Variants in NDRG4 observed in about 807,000 individuals in gnomAD.
NDRG4 encodes the protein protein NDRG4.
A neutral mutation model predicts 55.8 loss-of-function variants in NDRG4; 38 were observed. The observed-to-expected ratio is 0.68, with a 90% CI of 0.53 to 0.89. The LOEUF is 0.89. Ranked by LOEUF, NDRG4 falls within the 40% of genes least tolerant of loss-of-function variation. The pLI is 0.00. For synonymous variants in NDRG4, 190 were observed against 182.7 expected (o/e 1.04, Z -0.32); for missense variants, 455 against 468.6 (o/e 0.97, Z 0.27).
chr16:58,506,278 C>T (rs552963645), intron 5 of NDRG4, 109 bp from the exon 6 acceptor site: 11 of 1,062,058 alleles, frequency 1.0e-5, no homozygotes, highest in Admixed American at 5.1e-5. Flanking sequence ...TGCACAGACC[C>T]GGCTGTAGCC....
chr16:58,468,265 G>A (rs2032096544), intron 1 of NDRG4, among the ~76,000 whole-genome samples: 1 of 152,212 alleles, frequency 6.6e-6, no homozygotes, highest in Non-Finnish European at 1.5e-5. Context: ...CCATTTCCAG[G>A]CGCCTCAGCG....
chr16:58,510,722 G>A, intron 14 of NDRG4, 39 bp downstream of exon 14: 8 of 1,527,096 alleles, frequency 5.2e-6, no homozygotes, highest in Non-Finnish European at 7.0e-6. Flanking sequence ...TGGACGCCCA[G>A]CCTCCTCCTC....
intron 1 of NDRG4, among the ~76,000 whole-genome samples, chr16:58,487,065 C>T (rs1002274522): frequency 1.3e-5 from 2 of 152,004 alleles, no homozygotes; most frequent in African/African-American, 4.8e-5. Context: ...CCTTCAGACA[C>T]CAGAGGCCCT....
At position 58,490,695 on chromosome 16, in the gene NDRG4, C is replaced by T. The variant is rs201656013; in HGVS notation, c.72+2845C>T. ...AAAGGCACCTCAAAAGCCCCATTCC[C>T]GCCAGACATGTTGGCTCACGCCTGT... is the stretch of plus-strand genomic sequence containing the variant. On this transcript the variant is annotated intron_variant, in intron 2 of 15. Transcript: ENST00000258187. 1.2e-4 allele frequency among the ~76,000 whole-genome samples: 18 copies of T among 152,254 alleles called. No homozygotes were observed. In the East Asian group the frequency reaches 2.5e-3, roughly 21 times the overall value.
intron 5 of NDRG4, chr16:58,506,134 GTGTGTGTGTGTGTGTGTGTGTGTC>G (rs1243501721): frequency 8.5e-6 from 3 of 354,102 alleles, no homozygotes; most frequent in Non-Finnish European, 1.6e-5. Flanking sequence ...TTGAAAGAGC[GTGTGTGTGTGTGTGTGTGTGTGTC>G]TGTGTGTGTG....
intron 1 of NDRG4, among the ~76,000 whole-genome samples, chr16:58,482,361 C>T (rs907043895): frequency 2.0e-5 from 3 of 152,180 alleles, no homozygotes; most frequent in African/African-American, 4.8e-5. Flanking sequence ...CTTCCTGTCC[C>T]GCAGGCCTGT....
In NDRG4 at chr16:58,507,257, G is replaced by A. The variant is rs1282026555; in HGVS notation, c.620+242G>A. 4.8e-5 allele frequency: 26 copies of A among 545,264 alleles called. 1 individual carries two copies. The highest frequency in any genetic ancestry group is 3.6e-4 in the East Asian group (12 of 33,150). 33.8% of individuals were successfully genotyped at this position (545,264 alleles called of 1,614,324 possible). On this transcript the variant is annotated intron_variant, in intron 8 of 14. Transcript: ENST00000570248. ...TTTCCTCCTCCCCTGGGGGCTTCCC[G>A]CTTGGGAATGTTGGGGGTGTTAGTG...
chr16:58,511,270 C>G, intron 14 of NDRG4, 152 bp from the exon 15 acceptor site: 1 of 871,076 alleles, frequency 1.1e-6, no homozygotes, highest in Non-Finnish European at 1.8e-6. Flanking sequence ...TGCCCCCAGC[C>G]CGACAGCTGT....
At chr16:58,500,341 G>T in intron 1 of NDRG4, 72 bp downstream of exon 1, 1 of 1,513,316 alleles carries the variant, frequency 6.6e-7, no homozygotes, top group Non-Finnish European at 8.8e-7. Flanking sequence ...CCGCAGGGAG[G>T]AAGTGCCCCC....
chr16:58,495,365 T>G, upstream of NDRG4: 1 of 229,154 alleles, frequency 4.4e-6, no homozygotes. Flanking sequence ...GAAAGCGCCC[T>G]TTGTTTTTAT....
chr16:58,514,433 G>C (rs1359324021), downstream of NDRG4, among the ~76,000 whole-genome samples: 5 of 151,920 alleles, frequency 3.3e-5, no homozygotes, highest in African/African-American at 1.2e-4. Flanking sequence ...CAGGAAAAAG[G>C]ATTTGCCTGA....
At chr16:58,490,341 C>G (rs2035634262) in intron 2 of NDRG4, among the ~76,000 whole-genome samples, 1 of 152,020 alleles carries the variant, frequency 6.6e-6, no homozygotes, top group African/African-American at 2.4e-5. Flanking sequence ...ATGGGGAGAA[C>G]TAGGGCATCT....
intron 10 of NDRG4, 149 bp from the exon 11 acceptor site, chr16:58,508,813 C>T (rs2038391978): frequency 2.5e-6 from 2 of 803,380 alleles, no homozygotes; most frequent in African/African-American, 1.7e-5. Flanking sequence ...GAGAAGAAAG[C>T]CTGGGAGGAG....
chr16:58,468,130 T>C (rs1320899341), intron 1 of NDRG4, among the ~76,000 whole-genome samples: 1 of 152,178 alleles, frequency 6.6e-6, no homozygotes, highest in African/African-American at 2.4e-5. Context: ...CCCCCTCACA[T>C]GTGGGACTAG....
At chr16:58,487,863 C>T (rs2035289213) in intron 2 of NDRG4, 6 of 1,526,636 alleles carry the variant, frequency 3.9e-6, no homozygotes, top group Non-Finnish European at 4.4e-6. Context: ...GAGTTGGAGT[C>T]GCGCCTTTGA....
chr16:58,504,785 A>T, intron 5 of NDRG4, 136 bp downstream of exon 5: 1 of 843,624 alleles, frequency 1.2e-6, no homozygotes, highest in South Asian at 1.6e-5. Flanking sequence ...CCTCCTCTTT[A>T]TGTAGAAAAC....
intron 1 of NDRG4, chr16:58,501,727 G>C (rs937001568): frequency 1.6e-4 from 46 of 286,948 alleles, no homozygotes; most frequent in Non-Finnish European, 8.6e-5. Context: ...CATCCTGGGA[G>C]ATGAGCCCTA....
chr16:58,484,379 A>G (rs78158759), intron 1 of NDRG4, among the ~76,000 whole-genome samples: 2 of 152,112 alleles, frequency 1.3e-5, no homozygotes, highest in Non-Finnish European at 2.9e-5. Context: ...TCTAAAAAAA[A>G]ATTTATATAT....
intron 5 of NDRG4, 29 bp from the exon 6 acceptor site, chr16:58,506,358 G>T: frequency 6.2e-7 from 1 of 1,608,524 alleles, no homozygotes; most frequent in Non-Finnish European, 8.5e-7. Context: ...TCCTGGCCCC[G>T]CCCGGCCCTG....
Sources: gnomAD v4.1 joint callset for allele counts (sites outside exome capture counted in the v4.1 genomes callset) on GRCh38, gnomAD v4.1.1 for gene constraint, MANE v1.5 for transcripts, NCBI Gene and HGNC (gene_info 2026-07-23, HGNC 2026-07-21) for gene names.